The following PI4KA variants were observed in gnomAD, a reference collection of about 807,000 sequenced individuals.
The protein encoded by PI4KA is phosphatidylinositol 4-kinase alpha, also known as PI4-kinase alpha.
A neutral mutation model predicts 271.4 loss-of-function variants in PI4KA; 122 were observed. The ratio of observed to expected loss-of-function variants is 0.45; its 90% confidence interval spans 0.39 to 0.52. The LOEUF (loss-of-function observed/expected upper bound fraction) is 0.52. PI4KA is among the 20% of genes least tolerant of loss of function. The pLI is 0.00. For synonymous variants in PI4KA, 1,041 were observed against 1,078.8 expected (o/e 0.96, Z 0.69); for missense variants, 1,969 against 2,769.1 (o/e 0.71, Z 6.48).
At chr22:20,852,660 G>C (rs747473089) in intron 1 of PI4KA, among the ~76,000 whole-genome samples, 1 of 151,948 alleles carries the variant, frequency 6.6e-6, no homozygotes, top group Non-Finnish European at 1.5e-5. Context: ...CTCTCCTCTC[G>C]CTCTACGGAT....
chr22:20,730,550 C>A (rs1309705048), intron 36 of PI4KA, among the ~76,000 whole-genome samples: 1 of 151,636 alleles, frequency 6.6e-6, no homozygotes, highest in Non-Finnish European at 1.5e-5. Context: ...GCTAGGATTA[C>A]AGGAGTGAGC....
chr22:20,818,609 G>A, intron 6 of PI4KA, 60 bp from the exon 7 acceptor site: 2 of 1,328,358 alleles, frequency 1.5e-6, no homozygotes, highest in Non-Finnish European at 2.0e-6. Context: ...CATCAGATTT[G>A]TCTTAGACAA....
At chr22:20,851,227 A>G (rs931345734) in intron 1 of PI4KA, among the ~76,000 whole-genome samples, 1 of 151,804 alleles carries the variant, frequency 6.6e-6, no homozygotes, top group African/African-American at 2.4e-5. Flanking sequence ...CCACCCCTCT[A>G]ATACCAGGGC....
chr22:20,713,538 G>A (rs1318953528), intron 47 of PI4KA, 148 bp from the exon 48 acceptor site: 3 of 628,272 alleles, frequency 4.8e-6, no homozygotes, highest in Non-Finnish European at 8.4e-6. Flanking sequence ...CCAAGGAGGA[G>A]CCCAGCAGGG....
chr22:20,753,077 A>G, intron 24 of PI4KA, 33 bp downstream of exon 24: 1 of 1,614,248 alleles, frequency 6.2e-7, no homozygotes, highest in Non-Finnish European at 8.5e-7. Flanking sequence ...TGCCTCCAGC[A>G]GACAGACACG....
Position 20,793,135 on chromosome 22 carries a change from C to T in PI4KA, c.2328+58G>A, listed in dbSNP as rs1456933102. ...GAATTTACTGTGCGTCACCAGGCAA[C>T]ACTTAAAGCATGAACACAGTATCTG... On this transcript the variant is annotated intron_variant, in intron 19 of 54. Coordinates refer to ENST00000255882, the MANE Select transcript of PI4KA (RefSeq NM_058004.4). 2.6e-5 allele frequency: 26 copies of T among 1,013,738 alleles called. No homozygotes were observed. The Admixed American group carries it at 4.1e-4, about 16-fold the overall frequency. 62.8% of individuals were successfully genotyped at this position (1,013,738 alleles called of 1,614,324 possible).
intron 20 of PI4KA, 52 bp downstream of exon 20, chr22:20,765,533 T>C (rs1932442305): frequency 7.9e-7 from 1 of 1,264,250 alleles, no homozygotes; most frequent in South Asian, 1.2e-5. Flanking sequence ...TGACCTCACC[T>C]TTACCTTCAC....
chr22:20,777,903 T>A (rs1642353157), intron 19 of PI4KA, among the ~76,000 whole-genome samples: 1 of 152,210 alleles, frequency 6.6e-6, no homozygotes, highest in Admixed American at 6.5e-5. Context: ...ATTGCCATAA[T>A]GCCTCTGTGC....
intron 36 of PI4KA, among the ~76,000 whole-genome samples, chr22:20,731,417 T>A (rs1241820854): frequency 6.6e-6 from 1 of 152,090 alleles, no homozygotes; most frequent in Non-Finnish European, 1.5e-5. Flanking sequence ...TTGTCAGCCG[T>A]GGGTCTGCTA....
At chr22:20,766,606 A>C (rs1210792088) in intron 19 of PI4KA, among the ~76,000 whole-genome samples, 1 of 152,212 alleles carries the variant, frequency 6.6e-6, no homozygotes, top group Non-Finnish European at 1.5e-5. Context: ...CAGAGGTTGC[A>C]GTGAGCCAAG....
intron 17 of PI4KA, among the ~76,000 whole-genome samples, chr22:20,796,958 C>T (rs1235525667): frequency 6.6e-6 from 1 of 152,228 alleles, no homozygotes. Flanking sequence ...CTGCCAGACT[C>T]TGTCATGTCC....
At chr22:20,746,038 CAAAAAAAA>C (rs11330592) in intron 29 of PI4KA, among the ~76,000 whole-genome samples, 5 of 60,374 alleles carry the variant, frequency 8.3e-5, no homozygotes, top group African/African-American at 7.1e-5. Flanking sequence ...GGGGTTTCAT[CAAAAAAAA>C]AAAAAAAAAA....
intron 9 of PI4KA, among the ~76,000 whole-genome samples, chr22:20,808,192 A>G (rs1935775254): frequency 6.6e-6 from 1 of 151,946 alleles, no homozygotes; most frequent in Non-Finnish European, 1.5e-5. Flanking sequence ...TGGGAGGCTG[A>G]GGCAGGAGAA....
At chr22:20,780,077 C>T (rs771236487) in intron 19 of PI4KA, 22 of 1,614,120 alleles carry the variant, frequency 1.4e-5, no homozygotes, top group Admixed American at 1.0e-4. Context: ...ACTTCTCAGA[C>T]CCTGCCTTCA....
At chr22:20,786,049 CA>C (rs1187261765) in intron 19 of PI4KA, 2 of 1,614,156 alleles carry the variant, frequency 1.2e-6, no homozygotes, top group Non-Finnish European at 1.7e-6. Flanking sequence ...AGAAGAACTA[CA>C]ATCTAGTGGA....
At chr22:20,807,296 G>T in intron 10 of PI4KA, 66 bp downstream of exon 10, 1 of 963,528 alleles carries the variant, frequency 1.0e-6, no homozygotes, top group Non-Finnish European at 1.7e-6. Context: ...GCAACCACTA[G>T]CATGCGACAG....
At chr22:20,772,547 T>C (rs1479238944) in intron 19 of PI4KA, among the ~76,000 whole-genome samples, 1 of 152,136 alleles carries the variant, frequency 6.6e-6, no homozygotes, top group Non-Finnish European at 1.5e-5. Context: ...CCGGTCTGTG[T>C]CCTGAACACA....
intron 19 of PI4KA, among the ~76,000 whole-genome samples, chr22:20,774,818 C>T (rs1933131751): frequency 6.6e-6 from 1 of 150,588 alleles, no homozygotes; most frequent in Admixed American, 6.6e-5. Flanking sequence ...ATATAGGAGA[C>T]CTACTCTCAA....
At chr22:20,714,846 A>G (rs1370046494) in intron 45 of PI4KA, 146 bp from the exon 46 acceptor site, 2 of 925,028 alleles carry the variant, frequency 2.2e-6, no homozygotes, top group Non-Finnish European at 3.2e-6. Flanking sequence ...TGTCCAGGGC[A>G]CCACTAACTT....
Sources: gnomAD v4.1 joint callset for allele counts (sites outside exome capture counted in the v4.1 genomes callset) on GRCh38, gnomAD v4.1.1 for gene constraint, MANE v1.5 for transcripts, NCBI Gene and HGNC (gene_info 2026-07-23, HGNC 2026-07-21) for gene names.